The following SYCP1 variants were observed in gnomAD, a reference collection of about 807,000 sequenced individuals.
SYCP1 encodes synaptonemal complex protein 1, also known as cancer/testis antigen 8.
SYCP1 carries 64 observed loss-of-function variants against 153.1 expected under a neutral mutation model. That is an observed-to-expected ratio of 0.42 (90% CI 0.34 to 0.51). The LOEUF (loss-of-function observed/expected upper bound fraction) is 0.51. SYCP1 is among the 20% of genes least tolerant of loss of function. The pLI, the probability that SYCP1 is intolerant of heterozygous loss-of-function variation, is 0.06. For synonymous variants in SYCP1, 384 were observed against 341.8 expected, an observed-to-expected ratio of 1.12 and a Z score of -1.36; for missense variants, 997 against 1,049.0, an observed-to-expected ratio of 0.95 and a Z score of 0.68.
intron 16 of SYCP1, among the ~76,000 whole-genome samples, chr1:114,904,568 C>A (rs1269777168): frequency 6.6e-6 from 1 of 152,064 alleles, no homozygotes; most frequent in African/African-American, 2.4e-5. Flanking sequence ...TTTTATAGAT[C>A]TTCTTTATAA....
At chr1:114,854,623 G>T (rs1663809105), upstream of SYCP1, among the ~76,000 whole-genome samples, 1 of 152,170 alleles carries the variant, frequency 6.6e-6, no homozygotes. Flanking sequence ...CTAAGATTGT[G>T]ACCTCTTGGA....
At position 114,868,288 on chromosome 1, in the gene SYCP1, G is replaced by A. The variant is rs752110257; in HGVS notation, c.599-6218G>A. 7.1e-4 allele frequency among the ~76,000 whole-genome samples: 108 copies of A among 151,922 alleles called. 1 individual carries two copies. The highest frequency in any genetic ancestry group is 1.3e-3 in the Non-Finnish European group (86 of 67,982). On this transcript the variant is annotated intron_variant, in intron 8 of 31. Transcript: ENST00000369522. ...TCAGTGGCTGAGACTATAGGTGTGT[G>A]CCACTGCACCCAGATAATTTTTAAA...
chr1:114,883,112 G>A (rs1338464833), intron 12 of SYCP1, among the ~76,000 whole-genome samples: 1 of 151,956 alleles, frequency 6.6e-6, no homozygotes, highest in Non-Finnish European at 1.5e-5. Flanking sequence ...TTTTTGGCCT[G>A]GCAAATTCCT....
In SYCP1 at chr1:114,857,530, T is replaced by C. The variant is rs191482351; in HGVS notation, c.291+33T>C. 1.5e-4 allele frequency: 230 copies of C among 1,505,442 alleles called. No individual in the cohort carries two copies. In the African/African-American group the frequency reaches 1.7e-3, roughly 11 times the overall value. The allele number at this position is 1,505,442 out of a possible 1,614,324, so 93.3% of individuals were successfully genotyped here. ...GATTTCCCATTCATATTAAATTTCT[T>C]GTAATTGGAATATAACTTATTACCT... On this transcript the variant is annotated intron_variant, in intron 5 of 31. Transcript: ENST00000369522.
chr1:114,901,152 T>C (rs1667418014), intron 16 of SYCP1, among the ~76,000 whole-genome samples: 1 of 152,164 alleles, frequency 6.6e-6, no homozygotes. Flanking sequence ...GAGGAATCTA[T>C]CTGCTTTTAA....
At position 114,879,585 on chromosome 1, in the gene SYCP1, T is replaced by C. The variant is rs527780783; in HGVS notation, c.910+1383T>C. ...TATTGAGGAGGGATTGGGTCTTAAA[T>C]ATCTTTGTAACTGTAGTGCCCAGTA... On this transcript the variant is annotated intron_variant, in intron 12 of 31. Transcript: ENST00000369522. 2.6e-5 allele frequency among the ~76,000 whole-genome samples: 4 copies of C among 152,284 alleles called. No individual in the cohort carries two copies. In the South Asian group the frequency reaches 8.3e-4, roughly 32 times the overall value.
intron 15 of SYCP1, among the ~76,000 whole-genome samples, chr1:114,892,982 G>C (rs1666824930): frequency 6.6e-6 from 1 of 152,108 alleles, no homozygotes; most frequent in African/African-American, 2.4e-5. Flanking sequence ...GCCTTTGTGA[G>C]ATCTCTAGGC....
intron 8 of SYCP1, among the ~76,000 whole-genome samples, chr1:114,869,285 G>C (rs1664959491): frequency 6.6e-6 from 1 of 151,988 alleles, no homozygotes; most frequent in Non-Finnish European, 1.5e-5. Context: ...TTTCTTCTTT[G>C]ACTCAGGTGG....
In SYCP1 at chr1:114,971,339, A is replaced by G. The variant is rs1672477955; in HGVS notation, c.2323-6218A>G. On this transcript the variant is annotated intron_variant, in intron 27 of 31. Coordinates refer to ENST00000369522, the MANE Select transcript of SYCP1 (RefSeq NM_003176.4). The stretch of plus-strand genomic sequence containing the variant: ...CCAATGGAGTTATGTTCCAAGGGGG[A>G]TTATGGCTCCCTCTGATGCTTTGTA... Among the ~76,000 whole-genome samples the G allele has an allele frequency of 3.9e-5, 6 of 152,032 alleles. No homozygotes were observed. The South Asian group carries it at 1.2e-3, about 32-fold the overall frequency.
intron 23 of SYCP1, among the ~76,000 whole-genome samples, chr1:114,943,715 A>C (rs1670524295): frequency 6.6e-6 from 1 of 151,796 alleles, no homozygotes; most frequent in Non-Finnish European, 1.5e-5. Flanking sequence ...TGATTGACTC[A>C]TGGATACAAA....
chr1:114,905,009 C>G lies in SYCP1; in HGVS notation c.1321-5388C>G, dbSNP rs574087450. Among the ~76,000 whole-genome samples, 14 of 152,204 alleles carry G rather than the reference C, an allele frequency of 9.2e-5. No individual in the cohort carries two copies. In the South Asian group the frequency reaches 1.5e-3, roughly 16 times the overall value. On this transcript the variant is annotated intron_variant, in intron 16 of 31. Coordinates refer to ENST00000369522, the MANE Select transcript of SYCP1 (RefSeq NM_003176.4). ...CATTGATTTACAAATATTGAATGAA[C>G]CTTGCATTTCCAGGATAAACCCCAT...
chr1:114,989,224 C>T (rs890189725), intron 30 of SYCP1, among the ~76,000 whole-genome samples: 1 of 151,730 alleles, frequency 6.6e-6, no homozygotes. Flanking sequence ...GAAGATGGAG[C>T]TGTGTAGGGG....
intron 12 of SYCP1, 103 bp downstream of exon 12, chr1:114,878,305 T>C: frequency 3.9e-6 from 3 of 770,816 alleles, no homozygotes; most frequent in Non-Finnish European, 6.3e-6. Context: ...TTTCTAGTAC[T>C]GTACTTCTCA....
At chr1:114,882,063 C>T (rs1230801944) in intron 12 of SYCP1, among the ~76,000 whole-genome samples, 2 of 151,880 alleles carry the variant, frequency 1.3e-5, no homozygotes, top group Non-Finnish European at 2.9e-5. Context: ...GTGGAAAAAA[C>T]CCGTGTTGCA....
intron 20 of SYCP1, among the ~76,000 whole-genome samples, chr1:114,915,109 CA>C (rs1434671276): frequency 1.3e-5 from 2 of 150,518 alleles, no homozygotes; most frequent in African/African-American, 4.9e-5. Context: ...AACTAAAAAA[CA>C]AAGAAAAAAA....
chr1:114,930,575 A>G (rs982371037), intron 23 of SYCP1, among the ~76,000 whole-genome samples: 1 of 151,904 alleles, frequency 6.6e-6, no homozygotes. Context: ...AAAATGGGCA[A>G]ATTTCTTATG....
chr1:114,977,103 T>C (rs1223052084), intron 27 of SYCP1, among the ~76,000 whole-genome samples: 1 of 151,812 alleles, frequency 6.6e-6, no homozygotes, highest in Non-Finnish European at 1.5e-5. Flanking sequence ...TCCATTTTTA[T>C]CTTGACTATA....
chr1:114,976,575 G>A (rs1278535387), intron 27 of SYCP1, among the ~76,000 whole-genome samples: 4 of 124,714 alleles, frequency 3.2e-5, no homozygotes, highest in African/African-American at 1.0e-4. Flanking sequence ...TCCTCTAGAA[G>A]CCAAGATACA....
intron 1 of SYCP1, 67 bp from the exon 2 acceptor site, chr1:114,855,374 C>A: frequency 2.3e-6 from 2 of 870,206 alleles, no homozygotes; most frequent in Non-Finnish European, 3.6e-6. Flanking sequence ...TTAAAGAATA[C>A]ATAGTGTATT....
Sources: gnomAD v4.1 joint callset for allele counts (sites outside exome capture counted in the v4.1 genomes callset) on GRCh38, gnomAD v4.1.1 for gene constraint, MANE v1.5 for transcripts, NCBI Gene and HGNC (gene_info 2026-07-23, HGNC 2026-07-21) for gene names.